GNB1: variants seen among roughly 807,000 people sequenced by gnomAD.
GNB1 encodes the protein G protein subunit beta 1.
A neutral mutation model predicts 42.9 loss-of-function variants in GNB1; 2 were observed. That is an observed-to-expected ratio of 0.05 (90% CI 0.02 to 0.15). GNB1 has a LOEUF of 0.15. GNB1 is among the 10% of genes least tolerant of loss of function. GNB1 has a pLI of 1.00. For synonymous variants in GNB1, 183 were observed against 174.7 expected (o/e 1.05, Z -0.38); for missense variants, 193 against 462.2 (o/e 0.42, Z 5.34).
chr1:1,807,913 G>A (rs1208425243), intron 5 of GNB1, among the ~76,000 whole-genome samples: 1 of 152,036 alleles, frequency 6.6e-6, no homozygotes, highest in African/African-American at 2.4e-5. Context: ...GTCTCACCAT[G>A]TTAGCCAGGA....
intron 1 of GNB1, among the ~76,000 whole-genome samples, chr1:1,855,321 C>CAA (rs371204734): frequency 0.018 from 1,777 of 99,546 alleles, 44 homozygotes; most frequent in African/African-American, 0.06. Flanking sequence ...GACACTGTGT[C>CAA]AAAAAAAAAA....
chr1:1,843,895 T>C (rs1352817812), intron 1 of GNB1, among the ~76,000 whole-genome samples: 1 of 151,656 alleles, frequency 6.6e-6, no homozygotes, highest in African/African-American at 2.4e-5. Context: ...CCCTCTCCAC[T>C]AAAAATACAA....
rs369599792 is a variant in GNB1, at chr1:1,804,405, A to G, written c.430+14T>C. On this transcript the variant is annotated intron_variant, in intron 7 of 11. Transcript: ENST00000378609. Reference sequence around the variant, plus strand: ...AGCTTGTGTCACTTGAAGCTTATGAACAAGGACAGGTACCTGTGTGTCCTG... The same window carrying G: ...AGCTTGTGTCACTTGAAGCTTATGAGCAAGGACAGGTACCTGTGTGTCCTG... The G allele has an allele frequency of 6.2e-7, 1 of 1,605,214 alleles. No individual in the cohort carries two copies. The highest frequency in any genetic ancestry group is 8.5e-7 in the Non-Finnish European group (1 of 1,172,026).
chr1:1,842,534 T>C (rs542330381), intron 1 of GNB1, among the ~76,000 whole-genome samples: 3 of 151,314 alleles, frequency 2.0e-5, no homozygotes, highest in Admixed American at 6.6e-5. Context: ...AAAAGCCACA[T>C]ATATACAACC....
At chr1:1,878,018 T>G (rs1166779243) in intron 1 of GNB1, among the ~76,000 whole-genome samples, 1 of 152,192 alleles carries the variant, frequency 6.6e-6, no homozygotes, top group Admixed American at 6.6e-5. Context: ...AGCAGGTCTA[T>G]AATGCATAGG....
intron 5 of GNB1, among the ~76,000 whole-genome samples, chr1:1,809,642 T>A: frequency 6.6e-6 from 1 of 152,184 alleles, no homozygotes. Context: ...GAGGATCACC[T>A]TTACAGAGGT....
At chr1:1,842,387 A>G (rs894163826) in intron 1 of GNB1, among the ~76,000 whole-genome samples, 1 of 147,908 alleles carries the variant, frequency 6.8e-6, no homozygotes, top group African/African-American at 2.5e-5. Context: ...CCAAGGTTGC[A>G]CCCCTGCACT....
intron 1 of GNB1, among the ~76,000 whole-genome samples, chr1:1,870,130 G>C (rs1271718913): frequency 2.0e-5 from 3 of 152,038 alleles, no homozygotes. Flanking sequence ...CAAAGTGCTA[G>C]GATTACAGGC....
intron 1 of GNB1, among the ~76,000 whole-genome samples, chr1:1,854,849 A>G (rs1419259078): frequency 3.3e-5 from 5 of 152,232 alleles, no homozygotes; most frequent in African/African-American, 1.2e-4. Flanking sequence ...CCTGGCCAAC[A>G]TGGTGAAACC....
chr1:1,836,659 T>G (rs938020573), intron 2 of GNB1, among the ~76,000 whole-genome samples: 19 of 152,130 alleles, frequency 1.2e-4, no homozygotes, highest in Non-Finnish European at 2.4e-4. Flanking sequence ...CAAGTGATTC[T>G]TGTGTCTCAG....
chr1:1,824,390 G>A (rs1646969656), intron 3 of GNB1, among the ~76,000 whole-genome samples: 1 of 152,028 alleles, frequency 6.6e-6, no homozygotes, highest in South Asian at 2.1e-4. Flanking sequence ...GCAGTGAGAC[G>A]AGATCGCGCC....
intron 1 of GNB1, among the ~76,000 whole-genome samples, chr1:1,861,304 A>C (rs1201120628): frequency 1.3e-5 from 2 of 151,796 alleles, no homozygotes; most frequent in Admixed American, 6.6e-5. Context: ...ACACACAAAA[A>C]AATTTTTTAA....
At chr1:1,827,694 G>A (rs1647018225) in intron 2 of GNB1, among the ~76,000 whole-genome samples, 1 of 152,178 alleles carries the variant, frequency 6.6e-6, no homozygotes, top group African/African-American at 2.4e-5. Context: ...CTTTCTGCAT[G>A]CCCTGACACT....
At chr1:1,865,002 C>T (rs1173530662) in intron 1 of GNB1, among the ~76,000 whole-genome samples, 1 of 152,210 alleles carries the variant, frequency 6.6e-6, no homozygotes, top group African/African-American at 2.4e-5. Context: ...GTGGCTCATG[C>T]CTGTAATCCC....
chr1:1,792,920 G>A (rs1409107718), intron 8 of GNB1, among the ~76,000 whole-genome samples: 1 of 152,000 alleles, frequency 6.6e-6, no homozygotes, highest in Non-Finnish European at 1.5e-5. Context: ...ACAAAAATTA[G>A]TCAGGCGTGG....
intron 7 of GNB1, among the ~76,000 whole-genome samples, chr1:1,799,417 C>G (rs1646594548): frequency 6.6e-6 from 1 of 151,978 alleles, no homozygotes; most frequent in African/African-American, 2.4e-5. Context: ...GTGTTAAATC[C>G]AGCAACCTTT....
At chr1:1,856,350 C>G (rs1387695476) in intron 1 of GNB1, among the ~76,000 whole-genome samples, 1 of 152,222 alleles carries the variant, frequency 6.6e-6, no homozygotes, top group Non-Finnish European at 1.5e-5. Context: ...TCTCCAACTC[C>G]TGGGCTCAAG....
At chr1:1,888,629 G>T (rs923058670) in intron 1 of GNB1, among the ~76,000 whole-genome samples, 5 of 152,108 alleles carry the variant, frequency 3.3e-5, no homozygotes, top group Admixed American at 3.3e-4. Context: ...CCTGAGGTCT[G>T]GAGTTGGAGA....
chr1:1,815,105 C>G (rs1418320961), intron 5 of GNB1, among the ~76,000 whole-genome samples: 2 of 148,760 alleles, frequency 1.3e-5, no homozygotes, highest in African/African-American at 5.0e-5. Flanking sequence ...CAGTGAGACT[C>G]CGTCTTTAAA....
Sources: gnomAD v4.1 joint callset for allele counts (sites outside exome capture counted in the v4.1 genomes callset) on GRCh38, gnomAD v4.1.1 for gene constraint, MANE v1.5 for transcripts, NCBI Gene and HGNC (gene_info 2026-07-23, HGNC 2026-07-21) for gene names.